Variants in METTL15 observed in about 807,000 individuals in gnomAD.
METTL15 encodes the protein methyltransferase 15, mitochondrial 12S rRNA N4-cytidine.
METTL15 carries 34 observed loss-of-function variants against 38.3 expected under a neutral mutation model. The observed-to-expected ratio is 0.89, with a 90% CI of 0.68 to 1.18. The LOEUF is 1.18. Ranked by LOEUF, METTL15 falls within the 50% of genes most tolerant of loss-of-function variation. METTL15 has a pLI of 0.00. For missense variants in METTL15, 438 were observed against 498.4 expected (o/e 0.88, Z 1.15); for synonymous variants, 162 against 170.9 (o/e 0.95, Z 0.41).
chr11:28,257,388 T>C (rs1312346474), intron 4 of METTL15, among the ~76,000 whole-genome samples: 1 of 152,220 alleles, frequency 6.6e-6, no homozygotes, highest in East Asian at 1.9e-4. Flanking sequence ...TAAATCTGTT[T>C]GGTGTTCTAT....
chr11:28,243,243 C>G, intron 4 of METTL15, among the ~76,000 whole-genome samples: 1 of 152,100 alleles, frequency 6.6e-6, no homozygotes, highest in Middle Eastern at 3.2e-3. Context: ...CCCAGCAGCA[C>G]TATTCCAAGC....
At chr11:28,153,247 G>A (rs1242350911) in intron 3 of METTL15, among the ~76,000 whole-genome samples, 1 of 151,956 alleles carries the variant, frequency 6.6e-6, no homozygotes, top group Non-Finnish European at 1.5e-5. Flanking sequence ...ATTCAAGATG[G>A]TTTCACTCTG....
At position 28,213,793 on chromosome 11, in the gene METTL15, C is replaced by T. The variant is rs563253129; in HGVS notation, c.407+2595C>T. Among the ~76,000 whole-genome samples, 9 of 151,638 alleles carry T rather than the reference C, an allele frequency of 5.9e-5. No homozygotes were observed. In the East Asian group the frequency reaches 1.8e-3, roughly 30 times the overall value. On this transcript the variant is annotated intron_variant, in intron 4 of 6. Coordinates refer to ENST00000407364, the MANE Select transcript of METTL15 (RefSeq NM_001113528.2). ...GCCTCAGCCTCCCGAGTAGCTGGGA[C>T]TATAGGCGCTTGTCACCGTGCCTGG...
chr11:28,193,338 A>C (rs1356448861), intron 3 of METTL15, among the ~76,000 whole-genome samples: 1 of 152,114 alleles, frequency 6.6e-6, no homozygotes, highest in African/African-American at 2.4e-5. Context: ...CAGGAAACTT[A>C]CAGTCATAGC....
At chr11:28,377,474 T>G (rs528417556) in intron 5 of METTL15, among the ~76,000 whole-genome samples, 8 of 152,322 alleles carry the variant, frequency 5.3e-5, no homozygotes, top group Non-Finnish European at 1.0e-4. Flanking sequence ...TTCTGTGTTG[T>G]TCACGTAGTT....
downstream of METTL15, among the ~76,000 whole-genome samples, chr11:28,335,858 C>T (rs1435196200): frequency 6.6e-6 from 1 of 151,944 alleles, no homozygotes; most frequent in Non-Finnish European, 1.5e-5. Flanking sequence ...AAACCATAAG[C>T]GAAATAAATT....
intron 6 of METTL15, among the ~76,000 whole-genome samples, chr11:28,518,118 G>A (rs187907430): frequency 6.6e-6 from 1 of 152,178 alleles, no homozygotes; most frequent in East Asian, 1.9e-4. Context: ...CTGCTGGCAG[G>A]CCAATAGCAA....
At chr11:28,317,024 T>C (rs890100667) in intron 6 of METTL15, among the ~76,000 whole-genome samples, 35 of 152,232 alleles carry the variant, frequency 2.3e-4, no homozygotes, top group African/African-American at 8.2e-4. Flanking sequence ...AAAATAGTTA[T>C]GAAAAATTTC....
intron 5 of METTL15, among the ~76,000 whole-genome samples, chr11:28,293,753 C>T (rs1273405653): frequency 2.0e-5 from 3 of 152,112 alleles, no homozygotes; most frequent in South Asian, 2.1e-4. Flanking sequence ...TTGTAGTTCT[C>T]CTTGAAGAGG....
At chr11:28,236,731 G>A (rs1007755844) in intron 4 of METTL15, among the ~76,000 whole-genome samples, 4 of 152,102 alleles carry the variant, frequency 2.6e-5, no homozygotes, top group African/African-American at 9.7e-5. Flanking sequence ...ATTTTGTAGT[G>A]GCTGGTACCA....
At chr11:28,473,226 T>A (rs1030105595) in intron 6 of METTL15, among the ~76,000 whole-genome samples, 7 of 152,158 alleles carry the variant, frequency 4.6e-5, no homozygotes, top group African/African-American at 1.7e-4. Flanking sequence ...TTTAATAGGC[T>A]TTTCTGGAGA....
intron 6 of METTL15, among the ~76,000 whole-genome samples, chr11:28,498,853 T>G (rs1013487611): frequency 6.6e-6 from 1 of 152,240 alleles, no homozygotes; most frequent in East Asian, 1.9e-4. Context: ...TTTACTGTAT[T>G]TCTCAACTTT....
rs1474181208 is a variant in METTL15, at chr11:28,377,991, C to T, written c.*358+15955C>T. ...TCGGGGGTCAGGGGTCAGGGACCCA[C>T]TTGAGGAAGCAGTCTGCCCGTTCTC... On this transcript the variant is annotated intron_variant and NMD_transcript_variant, in intron 5 of 7. Transcript: ENST00000532947. Among the ~76,000 whole-genome samples the T allele has an allele frequency of 5.9e-5, 9 of 152,216 alleles. No individual in the cohort carries two copies. The East Asian group carries it at 1.7e-3, about 29-fold the overall frequency.
intron 3 of METTL15, among the ~76,000 whole-genome samples, chr11:28,349,317 C>T (rs1564903103): frequency 1.3e-5 from 2 of 152,142 alleles, no homozygotes; most frequent in Non-Finnish European, 2.9e-5. Context: ...GGTGGACTTG[C>T]CCTGTGTTCA....
rs1470242052 is a variant in METTL15, at chr11:28,161,121, T to TTG, written c.270+47518_270+47519insGT. ...TTTGCACCTTCCTTTTTTTTTTTTTTTTTTTGTTTTTTGTTTTTTGAGACT... is the reference window on the plus strand; with the variant it reads ...TTTGCACCTTCCTTTTTTTTTTTTTTTGTTTTTGTTTTTTGTTTTTTGAGACT... On this transcript the variant is annotated intron_variant, in intron 3 of 6. Transcript: ENST00000407364. 1.2e-3 allele frequency among the ~76,000 whole-genome samples: 170 copies of TTG among 145,412 alleles called. 1 individual carries two copies. The highest frequency in any genetic ancestry group is 2.1e-3 in the Non-Finnish European group (138 of 65,930).
At chr11:28,276,404 A>C (rs973546447) in intron 4 of METTL15, among the ~76,000 whole-genome samples, 1 of 152,128 alleles carries the variant, frequency 6.6e-6, no homozygotes. Context: ...AAAGATCTCT[A>C]TAAGAAAAAC....
rs368592846 is a variant in METTL15, at chr11:28,348,337, G to A, written c.*190-3753G>A. ...ATTTATTGGAAGCTTTCTGCTGTAA[G>A]GAAGAGCTTACTCTTCTACCCATTT... On this transcript the variant is annotated intron_variant and NMD_transcript_variant, in intron 3 of 7. Coordinates refer to the METTL15 transcript ENST00000532947. Among the ~76,000 whole-genome samples, 4 of 152,242 alleles carry A rather than the reference G, an allele frequency of 2.6e-5. No homozygotes were observed. The South Asian group carries it at 8.3e-4, about 32-fold the overall frequency.
chr11:28,455,826 C>A (rs1292307082), intron 6 of METTL15, among the ~76,000 whole-genome samples: 1 of 152,072 alleles, frequency 6.6e-6, no homozygotes, highest in Non-Finnish European at 1.5e-5. Flanking sequence ...CCTGCCTCAG[C>A]CTCCCGAGTA....
At chr11:28,123,188 C>G (rs1036416785) in intron 3 of METTL15, among the ~76,000 whole-genome samples, 2 of 152,096 alleles carry the variant, frequency 1.3e-5, no homozygotes, top group African/African-American at 4.8e-5. Flanking sequence ...CACATACACA[C>G]GAGTCATCCT....
Sources: allele counts gnomAD v4.1 joint callset (sites outside exome capture counted in the v4.1 genomes callset), GRCh38; gene constraint gnomAD v4.1.1; transcripts MANE v1.5; gene names NCBI Gene and HGNC (gene_info 2026-07-23, HGNC 2026-07-21).